DLGAP2: variants seen among roughly 807,000 people sequenced by gnomAD.
DLGAP2 encodes disks large-associated protein 2.
A neutral mutation model predicts 100.3 loss-of-function variants in DLGAP2; 26 were observed. The observed-to-expected ratio is 0.26, with a 90% confidence interval of 0.19 to 0.36. DLGAP2 has a LOEUF of 0.36. DLGAP2 is among the 10% of genes least tolerant of loss of function. The pLI is 1.00. For missense variants in DLGAP2, 1,858 were observed against 1,453.2 expected, an observed-to-expected ratio of 1.28 and a Z score of -4.53; for synonymous variants, 886 against 630.1, an observed-to-expected ratio of 1.41 and a Z score of -6.08.
At chr8:1,288,485 TGTGTG>T (rs1799989085) in intron 3 of DLGAP2, among the ~76,000 whole-genome samples, 1 of 39,204 alleles carries the variant, frequency 2.6e-5, no homozygotes, top group Non-Finnish European at 4.8e-5. Flanking sequence ...TTCAGTTCAG[TGTGTG>T]TGTGTGTGTG....
At chr8:1,240,663 G>A in intron 2 of DLGAP2, among the ~76,000 whole-genome samples, 1 of 150,162 alleles carries the variant, frequency 6.7e-6, no homozygotes, top group East Asian at 2.0e-4. Flanking sequence ...AGAGCATCGT[G>A]TCTGGTTCTC....
intron 2 of DLGAP2, among the ~76,000 whole-genome samples, chr8:1,181,491 G>A (rs567812272): frequency 3.9e-5 from 6 of 152,158 alleles, no homozygotes; most frequent in African/African-American, 9.6e-5. Context: ...GGAGCTGAAT[G>A]AGGAGAACTG....
intron 2 of DLGAP2, among the ~76,000 whole-genome samples, chr8:1,082,293 C>G (rs1803838058): frequency 6.6e-6 from 1 of 152,166 alleles, no homozygotes; most frequent in South Asian, 2.1e-4. Context: ...CAGGAAAAAT[C>G]TTTTACACAT....
At chr8:951,468 C>G (rs970136814) in intron 2 of DLGAP2, among the ~76,000 whole-genome samples, 2 of 152,130 alleles carry the variant, frequency 1.3e-5, no homozygotes, top group African/African-American at 4.8e-5. Flanking sequence ...CCAGGTGGGT[C>G]TTGAACTCCT....
chr8:1,545,198 G>A (rs1021059779), intron 4 of DLGAP2, among the ~76,000 whole-genome samples: 4 of 152,144 alleles, frequency 2.6e-5, no homozygotes, highest in African/African-American at 7.2e-5. Flanking sequence ...GACTTTGAGA[G>A]GGATCGGTGT....
At chr8:1,594,919 T>C (rs1796403378) in intron 6 of DLGAP2, among the ~76,000 whole-genome samples, 1 of 152,154 alleles carries the variant, frequency 6.6e-6, no homozygotes, top group Admixed American at 6.6e-5. Context: ...TTCCTGCCAC[T>C]CACTGGGGTC....
At chr8:881,620 C>T (rs1204466372) in intron 1 of DLGAP2, among the ~76,000 whole-genome samples, 1 of 126,752 alleles carries the variant, frequency 7.9e-6, no homozygotes, top group Non-Finnish European at 1.8e-5. Flanking sequence ...CTGCCTCAGC[C>T]TCCCAAGTAG....
rs931066133 is a variant in DLGAP2 at position 1,357,470 on chromosome 8, C to T, written c.106+98587C>T. 2.0e-5 allele frequency among the ~76,000 whole-genome samples: 3 copies of T among 149,862 alleles called. No homozygotes were observed. In the Admixed American group the frequency reaches 2.0e-4, roughly 10 times the overall value. On this transcript the variant is annotated intron_variant, in intron 3 of 14. Coordinates refer to ENST00000637795, the MANE Select transcript of DLGAP2 (RefSeq NM_001346810.2). ...CAATTATCAGGAGTCGTCTAATGTA[C>T]AGTGACTGCTATTCCTATTGCTGGT...
intron 1 of DLGAP2, among the ~76,000 whole-genome samples, chr8:836,626 G>GTGGGGT (rs1482992033): frequency 1.3e-5 from 2 of 152,178 alleles, no homozygotes; most frequent in Non-Finnish European, 2.9e-5. Flanking sequence ...TGGGCAGGGG[G>GTGGGGT]TGGGGTTGGG....
intron 3 of DLGAP2, among the ~76,000 whole-genome samples, chr8:1,376,611 G>C (rs1313504204): frequency 6.6e-6 from 1 of 152,182 alleles, no homozygotes; most frequent in African/African-American, 2.4e-5. Context: ...GGGGAGCCGG[G>C]TGACAGGGAC....
chr8:1,668,057 G>C (rs1798589950), intron 8 of DLGAP2, among the ~76,000 whole-genome samples: 1 of 152,218 alleles, frequency 6.6e-6, no homozygotes, highest in South Asian at 2.1e-4. Flanking sequence ...ATTTTTAAAT[G>C]ATGCCACGCC....
At chr8:1,599,005 G>C (rs1796542623) in intron 6 of DLGAP2, among the ~76,000 whole-genome samples, 3 of 152,116 alleles carry the variant, frequency 2.0e-5, no homozygotes, top group Admixed American at 6.5e-5. Context: ...TGGGCATTTG[G>C]TGCTATAAAT....
At chr8:1,029,743 G>A (rs1801922094) in intron 2 of DLGAP2, among the ~76,000 whole-genome samples, 1 of 152,180 alleles carries the variant, frequency 6.6e-6, no homozygotes, top group Admixed American at 6.5e-5. Flanking sequence ...TCAGTTACAG[G>A]GGATGGAAAG....
intron 6 of DLGAP2, among the ~76,000 whole-genome samples, chr8:1,574,904 G>C (rs907750807): frequency 1.3e-5 from 2 of 152,196 alleles, no homozygotes; most frequent in African/African-American, 4.8e-5. Flanking sequence ...AATGAGTCTT[G>C]AAGATGTTTC....
chr8:1,155,772 G>A (rs1226790532), intron 2 of DLGAP2, among the ~76,000 whole-genome samples: 1 of 152,220 alleles, frequency 6.6e-6, no homozygotes, highest in African/African-American at 2.4e-5. Context: ...GGTGGGGCTG[G>A]GACGCCCCGG....
intron 2 of DLGAP2, among the ~76,000 whole-genome samples, chr8:1,079,965 G>T (rs1803748007): frequency 1.3e-5 from 2 of 152,230 alleles, no homozygotes; most frequent in Admixed American, 1.3e-4. Flanking sequence ...TCTCTAACGT[G>T]GGTCCTGGTG....
intron 1 of DLGAP2, among the ~76,000 whole-genome samples, chr8:871,680 A>G (rs1797600511): frequency 6.6e-6 from 1 of 152,132 alleles, no homozygotes; most frequent in Non-Finnish European, 1.5e-5. Flanking sequence ...CCAGATAAGT[A>G]TAGTCCATAT....
At chr8:1,588,308 G>T (rs1279961385) in intron 6 of DLGAP2, among the ~76,000 whole-genome samples, 1 of 152,036 alleles carries the variant, frequency 6.6e-6, no homozygotes, top group African/African-American at 2.4e-5. Context: ...GAAGAGAACA[G>T]AGCAAAAAAG....
At chr8:1,354,636 G>A (rs1236159496) in intron 3 of DLGAP2, among the ~76,000 whole-genome samples, 1 of 150,218 alleles carries the variant, frequency 6.7e-6, no homozygotes, top group Non-Finnish European at 1.5e-5. Flanking sequence ...GAAAGTCACG[G>A]ATGATGCTGC....
Sources: allele counts gnomAD v4.1 joint callset (sites outside exome capture counted in the v4.1 genomes callset), GRCh38; gene constraint gnomAD v4.1.1; transcripts MANE v1.5; gene names NCBI Gene and HGNC (gene_info 2026-07-23, HGNC 2026-07-21).